The following ARMC12 variants were observed in gnomAD, a reference collection of about 807,000 sequenced individuals.
ARMC12 encodes the protein armadillo repeat containing 12.
Under a neutral mutation model 37.4 loss-of-function variants are expected in ARMC12, and 25 were observed. That is an observed-to-expected ratio of 0.67 (90% CI 0.49 to 0.93). ARMC12 has a LOEUF of 0.93. Ranked by LOEUF, ARMC12 falls within the 40% of genes least tolerant of loss-of-function variation. ARMC12 has a pLI of 0.00. For missense variants in ARMC12, 384 were observed against 426.6 expected, an observed-to-expected ratio of 0.90 and a Z score of 0.88; for synonymous variants, 167 against 176.1, an observed-to-expected ratio of 0.95 and a Z score of 0.41.
At position 35,748,967 on chromosome 6, in the gene ARMC12, T is replaced by C; in HGVS notation, c.*97T>C. On this transcript the variant is annotated 3_prime_UTR_variant, in exon 6 of 6. Coordinates refer to ENST00000373866, the MANE Select transcript of ARMC12 (RefSeq NM_001286574.2). ...GGCCTTCCAGGGCTGGGTGGAGATTTCATTCAGCATAACCTCTGCTCCAGA... is the reference window on the plus strand; with the variant it reads ...GGCCTTCCAGGGCTGGGTGGAGATTCCATTCAGCATAACCTCTGCTCCAGA... 1.6e-6 allele frequency: 2 copies of C among 1,220,804 alleles called. No homozygotes were observed. The highest frequency in any genetic ancestry group is 2.3e-6 in the Non-Finnish European group (2 of 887,582). 75.6% of individuals were successfully genotyped at this position (1,220,804 alleles called of 1,614,324 possible).
Position 35,738,497 on chromosome 6 carries a change from A to G in ARMC12, c.423A>G (p.Arg141=), listed in dbSNP as rs1052688509. The G allele has an allele frequency of 1.8e-5, 29 of 1,613,986 alleles. No individual in the cohort carries two copies. The highest frequency in any genetic ancestry group is 2.4e-5 in the Non-Finnish European group (28 of 1,180,032). ...CACTTAAAGCTTTCTCTGGCATCAG[A>G]AAATTCAGGCTCAAAATCCAGGTGA... ...LNTLKAFSGI[R]KFRLKIQEHS... is the part of the protein sequence containing the mutation. The change falls in exon 3 of 6, where the codon AGA becomes AGG. Residue 141 remains arginine (R), a synonymous_variant. Transcript: ENST00000373866.
chr6:35,747,486 G>A (rs757606070), intron 4 of ARMC12, 52 bp downstream of exon 4: 1 of 1,612,510 alleles, frequency 6.2e-7, no homozygotes, highest in Non-Finnish European at 8.5e-7. Flanking sequence ...CCCTAGCACA[G>A]TACTTAGAGG....
chr6:35,737,945 A>G (rs989173090), intron 1 of ARMC12, 82 bp from the exon 2 acceptor site: 3 of 1,590,990 alleles, frequency 1.9e-6, no homozygotes, highest in Non-Finnish European at 2.6e-6. Flanking sequence ...CTTGTCCCCA[A>G]GTCCCTGTCC....
chr6:35,737,032 A>G lies in ARMC12; in HGVS notation c.-77A>G. 3 of 1,581,116 alleles carry G rather than the reference A, an allele frequency of 1.9e-6. No homozygotes were observed. The highest frequency in any genetic ancestry group is 2.7e-5 in the African/African-American group (2 of 74,132). ...TGGTACCCTGGTTCCTGACCCTGCC[A>G]GAGTTCTGGTTCCGGAAGGCCCCCC... On this transcript the variant is annotated 5_prime_UTR_variant, in exon 1 of 6. Transcript: ENST00000373866.
intron 3 of ARMC12, among the ~76,000 whole-genome samples, chr6:35,742,977 T>C (rs148734487): frequency 2.4e-4 from 37 of 152,338 alleles, no homozygotes; most frequent in African/African-American, 5.3e-4. Flanking sequence ...GCATGCTTTA[T>C]GCTCTCACAT....
rs11365534 is a variant in ARMC12, at chr6:35,740,897, G to GTTTT, written c.444+2396_444+2399dup. ...TATTGGGCAGCTCTGCTTCCTTCTG[G>GTTTT]TTTTTTTTTTTTTTTTTTTTGAGAC... On this transcript the variant is annotated intron_variant, in intron 3 of 5. Coordinates refer to ENST00000373866, the MANE Select transcript of ARMC12 (RefSeq NM_001286574.2). Among the ~76,000 whole-genome samples the GTTTT allele has an allele frequency of 1.1e-3, 131 of 116,382 alleles. 3 individuals are homozygous for GTTTT. Among genetic ancestry groups the GTTTT allele is most frequent in the African/African-American group, 3.8e-3 (113 of 29,366 alleles). The allele number at this position is 116,382 out of a possible 152,430, so 76.4% of individuals were successfully genotyped here. A position where few individuals can be genotyped will look rare whatever the true frequency, so the allele number is the denominator to read the frequency against.
At position 35,748,675 on chromosome 6, in the gene ARMC12, A is replaced by C. The variant is rs373265496; in HGVS notation, c.828A>C (p.Glu276Asp). Residue 276 changes from glutamate to aspartate, a missense_variant, in exon 6 of 6, where the codon GAA (glutamate) becomes GAC (aspartate). Physicochemically the swap from Glu to Asp is conservative, Grantham distance 45. Transcript: ENST00000373866. ...ACGTGGTGAAATGGCATTACAACGA[A>C]CAGTCCCTGCATGAATCCCTCTTTG... ...HYHVVKWHYN[E>D]QSLHESLFGE... 1.2e-6 allele frequency: 2 copies of C among 1,614,180 alleles called. No homozygotes were observed. Among genetic ancestry groups the C allele is most frequent in the Non-Finnish European group, 1.7e-6 (2 of 1,180,038 alleles).
upstream of ARMC12, among the ~76,000 whole-genome samples, chr6:35,732,516 C>A (rs553423890): frequency 1.3e-4 from 20 of 152,316 alleles, no homozygotes; most frequent in African/African-American, 4.6e-4. Flanking sequence ...CTGCAAAGGG[C>A]TTTTCACTGG....
intron 3 of ARMC12, among the ~76,000 whole-genome samples, chr6:35,739,268 C>G (rs986220324): frequency 6.6e-6 from 1 of 152,118 alleles, no homozygotes; most frequent in Non-Finnish European, 1.5e-5. Context: ...TATCGCTGGA[C>G]CAACTCAAAA....
upstream of ARMC12, among the ~76,000 whole-genome samples, chr6:35,736,633 T>G (rs144205183): frequency 0.018 from 2,720 of 152,028 alleles, 39 homozygotes; most frequent in East Asian, 0.042. Context: ...TTTTTTGAAA[T>G]GGAGTCTTGC....
At chr6:35,735,375 T>C (rs1376717224), upstream of ARMC12, 1 of 152,018 alleles carries the variant, frequency 6.6e-6, no homozygotes, top group Non-Finnish European at 1.5e-5. This position sits in a 1 kb window ranked among gnomAD's most constrained non-coding sequence, Gnocchi z 4.0. Flanking sequence ...CTAAATAGAG[T>C]GCCAGGAATG....
At position 35,748,729 on chromosome 6, in the gene ARMC12, A is replaced by G. The variant is rs777175189; in HGVS notation, c.882A>G (p.Leu294=). Residue 294 remains leucine (L), a synonymous_variant, in exon 6 of 6, where the codon CTA becomes CTG. Transcript: ENST00000373866. ...AAGAGTCCCGACTGGCAGACCGACT[A>G]CTTGCCCTGGTCATCCACCCTGAGG... is the stretch of plus-strand genomic sequence containing the variant. ...FGEESRLADR[L]LALVIHPEED... is the part of the protein sequence containing the mutation. 6.2e-7 allele frequency: 1 copy of G among 1,614,146 alleles called. No homozygotes were observed. Among genetic ancestry groups the G allele is most frequent in the Non-Finnish European group, 8.5e-7 (1 of 1,180,016 alleles).
intron 2 of ARMC12, 93 bp from the exon 3 acceptor site, chr6:35,738,291 G>GGC (rs1767052064): frequency 4.9e-6 from 7 of 1,435,750 alleles, no homozygotes; most frequent in Admixed American, 1.9e-5. Context: ...AGCGGTGGGG[G>GGC]GGGGGTGTGC....
intron 3 of ARMC12, among the ~76,000 whole-genome samples, chr6:35,747,025 A>G (rs1408731614): frequency 2.1e-5 from 3 of 144,292 alleles, no homozygotes; most frequent in African/African-American, 7.8e-5. Context: ...AGAAAAGAGG[A>G]GGTTGGGCAG....
At chr6:35,733,816 C>T (rs1766891155), upstream of ARMC12, 1 of 152,266 alleles carries the variant, frequency 6.6e-6, no homozygotes, top group Non-Finnish European at 1.5e-5. Context: ...TGGTTTTGAA[C>T]CCTGCCTAGA....
Position 35,737,055 on chromosome 6 carries a change from C to T in ARMC12, c.-54C>T. On this transcript the variant is annotated 5_prime_UTR_variant, in exon 1 of 6. Coordinates refer to ENST00000373866, the MANE Select transcript of ARMC12 (RefSeq NM_001286574.2). ...CCAGAGTTCTGGTTCCGGAAGGCCC[C>T]CCACAGGTGCCTTGGGCCTAGCTCT... 1 of 1,602,122 alleles carries T rather than the reference C, an allele frequency of 6.2e-7. No individual in the cohort carries two copies. Among genetic ancestry groups the T allele is most frequent in the Non-Finnish European group, 8.5e-7 (1 of 1,172,590 alleles).
At chr6:35,738,295 G>GGGTGT in intron 2 of ARMC12, 89 bp from the exon 3 acceptor site, 1 of 1,414,990 alleles carries the variant, frequency 7.1e-7, no homozygotes, top group Non-Finnish European at 9.5e-7. Flanking sequence ...GTGGGGGGGG[G>GGGTGT]GTGTGCGGAG....
chr6:35,733,001 C>T (rs1766870778), upstream of ARMC12, among the ~76,000 whole-genome samples: 1 of 152,106 alleles, frequency 6.6e-6, no homozygotes, highest in Non-Finnish European at 1.5e-5. Flanking sequence ...TCGTGAAATC[C>T]AGCCTACTGA....
At chr6:35,744,647 CAGGGG>C (rs1203333362) in intron 3 of ARMC12, among the ~76,000 whole-genome samples, 1 of 151,936 alleles carries the variant, frequency 6.6e-6, no homozygotes, top group African/African-American at 2.4e-5. Flanking sequence ...CCTAGCTACT[CAGGGG>C]ACTGAGAAAG....
Sources: allele counts gnomAD v4.1 joint callset (sites outside exome capture counted in the v4.1 genomes callset), GRCh38; gene constraint gnomAD v4.1.1; non-coding constraint Gnocchi (gnomAD v3.1); transcripts MANE v1.5; gene names NCBI Gene and HGNC (gene_info 2026-07-23, HGNC 2026-07-21).